SLC7A2: variants seen among roughly 807,000 people sequenced by gnomAD.
SLC7A2 encodes cationic amino acid transporter 2.
In SLC7A2, 48 loss-of-function variants were observed where a neutral mutation model predicts 58.9. The ratio of observed to expected loss-of-function variants is 0.82; its 90% CI spans 0.65 to 1.04. The LOEUF is 1.04. Ranked by LOEUF, SLC7A2 falls within the 50% of genes least tolerant of loss-of-function variation. The pLI is 0.00. For synonymous variants in SLC7A2, 363 were observed against 314.5 expected, an observed-to-expected ratio of 1.15 and a Z score of -1.63; for missense variants, 1,029 against 818.8, an observed-to-expected ratio of 1.26 and a Z score of -3.13.
In SLC7A2 at chr8:17,569,217, T is replaced by G. The variant is rs1803405340; in HGVS notation, c.*4071T>G. The stretch of plus-strand genomic sequence containing the variant: ...TCTCCCTTTCCGGTGATACTGCTCA[T>G]GATTTCTCCTAATACGCTTCAAGCA... On this transcript the variant is annotated 3_prime_UTR_variant, in exon 13 of 13. Coordinates refer to ENST00000494857, the MANE Select transcript of SLC7A2 (RefSeq NM_001370338.1). The G allele has an allele frequency of 3.9e-5, 6 of 152,178 alleles. No individual in the cohort carries two copies. The highest frequency in any genetic ancestry group is 3.9e-4 in the Admixed American group (6 of 15,284). 9.4% of individuals were successfully genotyped at this position (152,178 alleles called of 1,614,324 possible). A position where few individuals can be genotyped will look rare whatever the true frequency, so the allele number is the denominator to read the frequency against.
chr8:17,534,175 A>T (rs1801569472), intron 2 of SLC7A2, among the ~76,000 whole-genome samples: 1 of 152,136 alleles, frequency 6.6e-6, no homozygotes, highest in Non-Finnish European at 1.5e-5. Flanking sequence ...TGATGGGCAC[A>T]GGCTATTTAA....
intron 2 of SLC7A2, among the ~76,000 whole-genome samples, chr8:17,512,222 C>T (rs1224526594): frequency 1.3e-5 from 2 of 151,642 alleles, no homozygotes; most frequent in Non-Finnish European, 2.9e-5. Context: ...TTTTTCAAGG[C>T]CCTGGAGACA....
rs966394690 is a variant in SLC7A2, at chr8:17,554,756, G to T, written c.1195+57G>T. ...GGGGATCTTTTTCATCAAGGACTCT[G>T]CATTAAAAATACAAAGCTAGGTGGT... On this transcript the variant is annotated intron_variant, in intron 8 of 12. Coordinates refer to ENST00000494857, the MANE Select transcript of SLC7A2 (RefSeq NM_001370338.1). The T allele has an allele frequency of 3.3e-6, 5 of 1,521,976 alleles. No homozygotes were observed. The African/African-American group carries it at 5.6e-5, about 17-fold the overall frequency. The allele number at this position is 1,521,976 out of a possible 1,614,324, so 94.3% of individuals were successfully genotyped here.
intron 2 of SLC7A2, among the ~76,000 whole-genome samples, chr8:17,513,384 A>G (rs1266434836): frequency 6.6e-6 from 1 of 151,964 alleles, no homozygotes; most frequent in Non-Finnish European, 1.5e-5. Context: ...GGTTTTTATA[A>G]TTATAAGTTT....
intron 2 of SLC7A2, among the ~76,000 whole-genome samples, chr8:17,534,142 A>G (rs1413309091): frequency 6.6e-6 from 1 of 152,024 alleles, no homozygotes; most frequent in East Asian, 1.9e-4. Context: ...TATATACCAC[A>G]TTTTCTTTAT....
chr8:17,538,750 C>T (rs1009448184), intron 2 of SLC7A2: 23 of 1,587,316 alleles, frequency 1.4e-5, no homozygotes, highest in South Asian at 3.4e-5. Context: ...CTTATCTATA[C>T]GATTTAATTA....
chr8:17,526,755 G>A (rs1801237418), intron 2 of SLC7A2, among the ~76,000 whole-genome samples: 1 of 152,180 alleles, frequency 6.6e-6, no homozygotes, highest in South Asian at 2.1e-4. Context: ...AGTTGGAAGA[G>A]AAGTAGCTGA....
At chr8:17,515,581 C>T (rs1397979943) in intron 2 of SLC7A2, among the ~76,000 whole-genome samples, 1 of 152,164 alleles carries the variant, frequency 6.6e-6, no homozygotes, top group Non-Finnish European at 1.5e-5. Flanking sequence ...GCGTGAGCCA[C>T]TGTGCCCTGC....
chr8:17,522,308 C>A (rs563720392), intron 2 of SLC7A2, among the ~76,000 whole-genome samples: 1 of 152,116 alleles, frequency 6.6e-6, no homozygotes, highest in African/African-American at 2.4e-5. Flanking sequence ...GGAAACTAGC[C>A]CCATGATTCA....
chr8:17,495,406 T>A (rs1271528065), upstream of SLC7A2, among the ~76,000 whole-genome samples: 3 of 152,228 alleles, frequency 2.0e-5, no homozygotes, highest in Non-Finnish European at 2.9e-5. Flanking sequence ...TTTCCCTTAA[T>A]GTTATTAATG....
Position 17,567,238 on chromosome 8 carries a change from A to C in SLC7A2, c.*2092A>C, listed in dbSNP as rs1803306820. On this transcript the variant is annotated 3_prime_UTR_variant, in exon 13 of 13. Coordinates refer to ENST00000494857, the MANE Select transcript of SLC7A2 (RefSeq NM_001370338.1). Reference sequence around the variant, plus strand: ...CCTTGCTGTTGTCACAGTACGCTGAAAACCCGTTTGATTCTATACCCAATC... The same window carrying C: ...CCTTGCTGTTGTCACAGTACGCTGACAACCCGTTTGATTCTATACCCAATC... The C allele has an allele frequency of 6.6e-6, 1 of 152,522 alleles. No homozygotes were observed. The highest frequency in any genetic ancestry group is 2.4e-5 in the African/African-American group (1 of 41,432). 9.4% of individuals were successfully genotyped at this position (152,522 alleles called of 1,614,324 possible). A position where few individuals can be genotyped will look rare whatever the true frequency, so the allele number is the denominator to read the frequency against.
chr8:17,540,345 C>T (rs1406412360), intron 2 of SLC7A2, among the ~76,000 whole-genome samples: 7 of 152,074 alleles, frequency 4.6e-5, no homozygotes, highest in East Asian at 3.9e-4. Flanking sequence ...AAGTTTCTGA[C>T]GTATGTTTTT....
At chr8:17,542,107 C>G (rs2588241) in intron 2 of SLC7A2, among the ~76,000 whole-genome samples, 144,681 of 152,286 alleles carry the variant, frequency 0.95, 68,814 homozygotes, top group East Asian at 1. Flanking sequence ...TTGAATAGCA[C>G]TTTTAGATTT....
chr8:17,503,099 G>A (rs1041622914), intron 2 of SLC7A2, among the ~76,000 whole-genome samples: 2 of 151,920 alleles, frequency 1.3e-5, no homozygotes, highest in East Asian at 3.9e-4. Flanking sequence ...CACCCAGGCT[G>A]GAGTGCAGTG....
intron 8 of SLC7A2, among the ~76,000 whole-genome samples, chr8:17,556,799 G>A (rs182409709): frequency 7.7e-4 from 117 of 152,032 alleles, no homozygotes; most frequent in African/African-American, 2.7e-3. Context: ...AGTAGAGATG[G>A]GGTTTCACCA....
At chr8:17,532,261 C>CAAAAAA (rs1563454562) in intron 2 of SLC7A2, among the ~76,000 whole-genome samples, 2 of 28,662 alleles carry the variant, frequency 7.0e-5, no homozygotes, top group South Asian at 1.5e-3. Flanking sequence ...AAAAAAAAAC[C>CAAAAAA]CCAGCAATTC....
intron 9 of SLC7A2, among the ~76,000 whole-genome samples, chr8:17,560,005 G>T (rs900153965): frequency 6.6e-6 from 1 of 152,116 alleles, no homozygotes; most frequent in African/African-American, 2.4e-5. Flanking sequence ...TTCATGAACC[G>T]CATTTCCTTT....
chr8:17,550,306 C>A lies in SLC7A2; in HGVS notation c.704C>A (p.Pro235Gln). ...GTGTTTGTTCTCTTTCTTAGAGAGC[C>A]ACCTTCTGAAAACGGAACAAGTATC... The part of the protein sequence containing the change: ...LKNISASARE[P>Q]PSENGTSIYG... Residue 235 changes from proline to glutamine, a missense_variant, in exon 6 of 13, where the codon CCA becomes CAA. By Grantham distance (76) the Pro-to-Gln change is moderately conservative. Transcript: ENST00000494857. The A allele has an allele frequency of 6.2e-7, 1 of 1,613,532 alleles. No homozygotes were observed. Among genetic ancestry groups the A allele is most frequent in the Non-Finnish European group, 8.5e-7 (1 of 1,179,792 alleles).
intron 11 of SLC7A2, among the ~76,000 whole-genome samples, chr8:17,563,234 C>T (rs1373529829): frequency 6.6e-6 from 1 of 152,206 alleles, no homozygotes; most frequent in Non-Finnish European, 1.5e-5. Flanking sequence ...TAACCGTATA[C>T]TGGCTTGGGT....
Sources: gnomAD v4.1 joint callset for allele counts (sites outside exome capture counted in the v4.1 genomes callset) on GRCh38, gnomAD v4.1.1 for gene constraint, MANE v1.5 for transcripts, NCBI Gene and HGNC (gene_info 2026-07-23, HGNC 2026-07-21) for gene names.